The following COL10A1 variants were observed in gnomAD, a reference collection of about 807,000 sequenced individuals.
The protein encoded by COL10A1 is collagen type X alpha 1 chain.
COL10A1 carries 10 observed loss-of-function variants against 18.2 expected under a neutral mutation model. That is an observed-to-expected ratio of 0.55 (90% CI 0.34 to 0.93). COL10A1 has a LOEUF of 0.93. COL10A1 is among the 40% of genes least tolerant of loss of function. The probability of loss-of-function intolerance (pLI) is 0.02; values close to 1 mark genes in which losing one functional copy is unlikely to be tolerated. For synonymous variants in COL10A1, 330 were observed against 316.6 expected (o/e 1.04, Z -0.45); for missense variants, 897 against 853.5 (o/e 1.05, Z -0.64).
At chr6:116,171,222 GT>G in the COL10A1 span, among the ~76,000 whole-genome samples, 2 of 151,916 alleles carry the variant, frequency 1.3e-5, no homozygotes, top group Admixed American at 6.6e-5. Context: ...ATATTTTAAT[GT>G]TTTAATCACT....
chr6:116,125,318 A>T, intron 2 of COL10A1, 21 bp downstream of exon 2: 1 of 1,611,962 alleles, frequency 6.2e-7, no homozygotes, highest in Middle Eastern at 1.7e-4. Flanking sequence ...TTAATAGAAC[A>T]AAATATACAA....
chr6:116,158,895 A>G (rs1780266908), upstream of COL10A1: 1 of 152,182 alleles, frequency 6.6e-6, no homozygotes, highest in Non-Finnish European at 1.5e-5. Flanking sequence ...TCCAGCAGTC[A>G]GTGACTTTTT....
At chr6:116,185,106 A>G in the COL10A1 span, among the ~76,000 whole-genome samples, 1 of 152,030 alleles carries the variant, frequency 6.6e-6, no homozygotes, top group Non-Finnish European at 1.5e-5. Context: ...TTCCATCTTG[A>G]GTTCATTGTT....
chr6:116,146,942 A>G (rs982064218), intron 1 of COL10A1, among the ~76,000 whole-genome samples: 1 of 150,746 alleles, frequency 6.6e-6, no homozygotes, highest in Non-Finnish European at 1.5e-5. Flanking sequence ...AAAATAAATT[A>G]TAAAACTACC....
At position 116,120,937 on chromosome 6, in the gene COL10A1, T is replaced by C. The variant is rs924766698; in HGVS notation, c.1179A>G (p.Lys393=). 1.2e-6 allele frequency: 2 copies of C among 1,613,522 alleles called. No individual in the cohort carries two copies. Among genetic ancestry groups the C allele is most frequent in the Non-Finnish European group, 8.5e-7 (1 of 1,179,780 alleles). ...TACCCTTAGGACCATCGAGACCTGGTTTTCCTGGGTACCCTGGTTTTCCAT... is the reference window on the plus strand; with the variant it reads ...TACCCTTAGGACCATCGAGACCTGGCTTTCCTGGGTACCCTGGTTTTCCAT... ...GSDGKPGYPG[K]PGLDGPKGNP... is the part of the protein sequence containing the mutation. Residue 393 remains lysine (K), a synonymous_variant, in exon 3 of 3, where the codon AAA becomes AAG. Coordinates refer to ENST00000651968, the MANE Select transcript of COL10A1 (RefSeq NM_000493.4).
the COL10A1 span, among the ~76,000 whole-genome samples, chr6:116,186,701 T>G: frequency 6.6e-6 from 1 of 152,128 alleles, no homozygotes; most frequent in Admixed American, 6.6e-5. Context: ...TGCATTTCTC[T>G]AAGTGTGTCC....
chr6:116,182,743 T>C, the COL10A1 span, among the ~76,000 whole-genome samples: 1 of 152,164 alleles, frequency 6.6e-6, no homozygotes, highest in South Asian at 2.1e-4. Context: ...GTTTGTTTTT[T>C]TCTTGCTGAT....
the COL10A1 span, among the ~76,000 whole-genome samples, chr6:116,196,966 A>G: frequency 2.6e-5 from 4 of 151,366 alleles, no homozygotes; most frequent in African/African-American, 4.9e-5. Context: ...ATCTAGTTGC[A>G]TCTGACCAGC....
the COL10A1 span, among the ~76,000 whole-genome samples, chr6:116,204,169 C>T: frequency 1.3e-5 from 2 of 151,872 alleles, no homozygotes; most frequent in African/African-American, 4.8e-5. Context: ...GTAAGAAACA[C>T]TTCAGGAGTT....
At chr6:116,152,477 TTATC>T (rs1331432897) in intron 1 of COL10A1, among the ~76,000 whole-genome samples, 3 of 152,084 alleles carry the variant, frequency 2.0e-5, no homozygotes, top group South Asian at 4.2e-4. Flanking sequence ...ATTATGGTGA[TTATC>T]TACCCCACCG....
intron 1 of COL10A1, among the ~76,000 whole-genome samples, chr6:116,140,117 C>T (rs541803844): frequency 6.6e-6 from 1 of 152,236 alleles, no homozygotes; most frequent in South Asian, 2.1e-4. Context: ...AGTTGAATGC[C>T]GCCCTCCTAT....
chr6:116,129,430 G>A (rs1217280084), upstream of COL10A1, among the ~76,000 whole-genome samples: 2 of 152,200 alleles, frequency 1.3e-5, no homozygotes, highest in Non-Finnish European at 2.9e-5. Flanking sequence ...TCTTTAAGAG[G>A]TGATGAGGTT....
In COL10A1 at chr6:116,138,423, G is replaced by A. The variant is rs553334707; in HGVS notation, c.-15-12916C>T. 4.6e-5 allele frequency among the ~76,000 whole-genome samples: 7 copies of A among 152,248 alleles called. No homozygotes were observed. In the South Asian group the frequency reaches 1.2e-3, roughly 27 times the overall value. Reference sequence around the variant, plus strand: ...TTGTGTGAAAGTGTAATCCCACTACGTCTGCTTTCCAAACCATCTCAAATT... The same window carrying A: ...TTGTGTGAAAGTGTAATCCCACTACATCTGCTTTCCAAACCATCTCAAATT... On this transcript the variant is annotated intron_variant, in intron 1 of 1. Transcript: ENST00000418500.
chr6:116,139,408 C>T (rs149402506), intron 1 of COL10A1, among the ~76,000 whole-genome samples: 6 of 152,172 alleles, frequency 3.9e-5, no homozygotes, highest in African/African-American at 1.4e-4. Flanking sequence ...ATATTGAGAA[C>T]AATTGTATTT....
chr6:116,128,745 G>A (rs1258933497), upstream of COL10A1, among the ~76,000 whole-genome samples: 2 of 152,064 alleles, frequency 1.3e-5, no homozygotes, highest in African/African-American at 4.8e-5. Context: ...AATTCCTTCA[G>A]CCTTTGAGGT....
the COL10A1 span, among the ~76,000 whole-genome samples, chr6:116,204,557 T>C: frequency 6.6e-6 from 1 of 151,900 alleles, no homozygotes; most frequent in Non-Finnish European, 1.5e-5. Context: ...GAAAGCAAAC[T>C]CAGTGTAAAT....
At chr6:116,207,776 C>CCT in the COL10A1 span, among the ~76,000 whole-genome samples, 19 of 152,044 alleles carry the variant, frequency 1.2e-4, no homozygotes, top group African/African-American at 4.3e-4. Context: ...TGTATTTCTA[C>CCT]CTGAGTCTCT....
chr6:116,159,039 A>T (rs1394470501), upstream of COL10A1, among the ~76,000 whole-genome samples: 1 of 152,226 alleles, frequency 6.6e-6, no homozygotes, highest in Admixed American at 6.5e-5. Flanking sequence ...TTTAATTAAT[A>T]AATCTAAATG....
chr6:116,204,035 C>T, the COL10A1 span, among the ~76,000 whole-genome samples: 2 of 151,816 alleles, frequency 1.3e-5, no homozygotes, highest in East Asian at 3.9e-4. Context: ...AAAAAACCCT[C>T]GAAGGCTGTG....
Sources: gnomAD v4.1 joint callset for allele counts (sites outside exome capture counted in the v4.1 genomes callset) on GRCh38, gnomAD v4.1.1 for gene constraint, MANE v1.5 for transcripts, NCBI Gene and HGNC (gene_info 2026-07-23, HGNC 2026-07-21) for gene names.